The following SLC4A4 variants were observed in gnomAD, a reference collection of about 807,000 sequenced individuals.
SLC4A4 encodes the protein electrogenic sodium bicarbonate cotransporter 1.
SLC4A4 carries 27 observed loss-of-function variants against 111.5 expected under a neutral mutation model. The observed-to-expected ratio is 0.24, with a 90% confidence interval of 0.18 to 0.33. The LOEUF (loss-of-function observed/expected upper bound fraction) is 0.33. Among genes scored for constraint, SLC4A4 ranks in the 10% least tolerant of loss-of-function variants. The pLI is 1.00. For missense variants in SLC4A4, 909 were observed against 1,315.5 expected (o/e 0.69, Z 4.78); for synonymous variants, 443 against 463.4 (o/e 0.96, Z 0.57).
intron 2 of SLC4A4, among the ~76,000 whole-genome samples, chr4:71,124,136 A>G (rs1282573052): frequency 2.6e-5 from 4 of 151,476 alleles, no homozygotes; most frequent in Non-Finnish European, 1.5e-5. Flanking sequence ...AAATAACCAC[A>G]GAACACATAT....
chr4:71,443,458 A>G (rs1423776320), intron 8 of SLC4A4, among the ~76,000 whole-genome samples: 1 of 151,774 alleles, frequency 6.6e-6, no homozygotes, highest in African/African-American at 2.4e-5. Context: ...CCTCATTCAT[A>G]TTTTTGAGCT....
rs200225531 is a variant in SLC4A4 at position 71,119,508 on chromosome 4, A to T, written c.-2+26716A>T. On this transcript the variant is annotated intron_variant, in intron 2 of 26. Coordinates refer to the SLC4A4 transcript ENST00000649996. ...ATGATCCTCCCACCTCAGCCTCCCA[A>T]GTTGCTGGGACTACAGGTGTGTGCC... is the stretch of plus-strand genomic sequence containing the variant. Among the ~76,000 whole-genome samples the T allele has an allele frequency of 5.8e-4, 88 of 152,174 alleles. No individual in the cohort carries two copies. In the South Asian group the frequency reaches 0.012, roughly 22 times the overall value.
chr4:71,361,005 C>A (rs1365168113), intron 6 of SLC4A4, among the ~76,000 whole-genome samples: 1 of 152,128 alleles, frequency 6.6e-6, no homozygotes, highest in Non-Finnish European at 1.5e-5. Context: ...CAGATTGAAT[C>A]CCAGGTACAC....
chr4:71,109,431 A>T (rs1198927384), intron 2 of SLC4A4, among the ~76,000 whole-genome samples: 1 of 152,128 alleles, frequency 6.6e-6, no homozygotes, highest in Non-Finnish European at 1.5e-5. Flanking sequence ...GGAGGTAAAC[A>T]ATAATGGCCA....
At chr4:71,215,722 G>A (rs1464111198) in intron 1 of SLC4A4, among the ~76,000 whole-genome samples, 1 of 152,130 alleles carries the variant, frequency 6.6e-6, no homozygotes, top group Non-Finnish European at 1.5e-5. Flanking sequence ...GTAACTACTG[G>A]GTGTGTGCTG....
intron 7 of SLC4A4, among the ~76,000 whole-genome samples, chr4:71,402,524 T>A (rs1185995395): frequency 6.6e-6 from 1 of 152,128 alleles, no homozygotes; most frequent in Admixed American, 6.5e-5. Flanking sequence ...GGAGGTACAG[T>A]GTCTAAGAAA....
chr4:71,098,408 A>G (rs1742621402), intron 2 of SLC4A4, among the ~76,000 whole-genome samples: 1 of 152,134 alleles, frequency 6.6e-6, no homozygotes, highest in African/African-American at 2.4e-5. Flanking sequence ...TGTCAGTACC[A>G]TGCTGTTTTG....
intron 3 of SLC4A4, among the ~76,000 whole-genome samples, chr4:71,316,287 G>A (rs1386680310): frequency 6.6e-6 from 1 of 152,072 alleles, no homozygotes; most frequent in Non-Finnish European, 1.5e-5. Flanking sequence ...GTCTTGCTGC[G>A]CTTGAAGTTT....
chr4:71,528,507 C>A (rs960222459), intron 16 of SLC4A4, among the ~76,000 whole-genome samples: 1 of 151,816 alleles, frequency 6.6e-6, no homozygotes, highest in African/African-American at 2.4e-5. Context: ...TTGAATAGAG[C>A]GAAAATTGGA....
At chr4:71,402,857 G>A (rs943786626) in intron 7 of SLC4A4, among the ~76,000 whole-genome samples, 6 of 152,152 alleles carry the variant, frequency 3.9e-5, no homozygotes, top group Non-Finnish European at 7.4e-5. Context: ...AACAAAACAT[G>A]TCTGTCATTA....
At chr4:71,175,856 A>T (rs561631323) in intron 2 of SLC4A4, among the ~76,000 whole-genome samples, 4 of 152,272 alleles carry the variant, frequency 2.6e-5, no homozygotes, top group African/African-American at 9.6e-5. Context: ...ACAGCTGGAG[A>T]TCTGAGAACA....
At chr4:71,084,546 C>T (rs1176668974) in intron 1 of SLC4A4, among the ~76,000 whole-genome samples, 4 of 151,798 alleles carry the variant, frequency 2.6e-5, no homozygotes, top group Non-Finnish European at 5.9e-5. Flanking sequence ...TAATGCTATC[C>T]CTCCCCCCTG....
intron 3 of SLC4A4, among the ~76,000 whole-genome samples, chr4:71,284,535 A>G (rs1296020372): frequency 1.3e-5 from 2 of 152,232 alleles, no homozygotes; most frequent in Non-Finnish European, 2.9e-5. Flanking sequence ...GAAAATTAGA[A>G]TAAATTGTAA....
intron 2 of SLC4A4, among the ~76,000 whole-genome samples, chr4:71,167,549 T>G (rs544371976): frequency 6.6e-6 from 1 of 152,150 alleles, no homozygotes; most frequent in Admixed American, 6.5e-5. Context: ...ATCTGTGACA[T>G]TGGCCAAAGA....
intron 13 of SLC4A4, among the ~76,000 whole-genome samples, chr4:71,469,761 A>C (rs1727695993): frequency 6.6e-6 from 1 of 151,898 alleles, no homozygotes; most frequent in South Asian, 2.1e-4. Flanking sequence ...TTTCATAATG[A>C]AGTGCCATTG....
At chr4:71,293,334 C>G (rs967703779) in intron 3 of SLC4A4, among the ~76,000 whole-genome samples, 1 of 151,346 alleles carries the variant, frequency 6.6e-6, no homozygotes, top group Non-Finnish European at 1.5e-5. Flanking sequence ...GAAGCCGAGC[C>G]AGGTGGATCA....
At chr4:71,326,879 A>G (rs1372238465) in intron 3 of SLC4A4, among the ~76,000 whole-genome samples, 3 of 152,118 alleles carry the variant, frequency 2.0e-5, no homozygotes, top group Admixed American at 6.6e-5. Flanking sequence ...TTGTCTCACA[A>G]TGAAAAACAG....
In SLC4A4 at chr4:71,262,040, C is replaced by T. The variant is rs188241475; in HGVS notation, c.253+6641C>T. On this transcript the variant is annotated intron_variant, in intron 3 of 25. Coordinates refer to ENST00000264485, the MANE Select transcript of SLC4A4 (RefSeq NM_001098484.3). ...AATGACTGTCTGCCACAGGCATTAC[C>T]ACCTAAGCGGAAGGCAGGTCACATC... Among the ~76,000 whole-genome samples, 151 of 152,202 alleles carry T rather than the reference C, an allele frequency of 9.9e-4. 2 individuals are homozygous for T. Among genetic ancestry groups the T allele is most frequent in the Non-Finnish European group, 4.6e-4 (31 of 68,016 alleles).
intron 1 of SLC4A4, among the ~76,000 whole-genome samples, chr4:71,216,817 T>C (rs1718456677): frequency 6.6e-6 from 1 of 152,188 alleles, no homozygotes; most frequent in Admixed American, 6.5e-5. Context: ...AACTTGTGCC[T>C]GTCTGGGAGA....
Sources: gnomAD v4.1 joint callset for allele counts (sites outside exome capture counted in the v4.1 genomes callset) on GRCh38, gnomAD v4.1.1 for gene constraint, MANE v1.5 for transcripts, NCBI Gene and HGNC (gene_info 2026-07-23, HGNC 2026-07-21) for gene names.